The following PTPRT variants were observed in gnomAD, a reference collection of about 807,000 sequenced individuals.
PTPRT encodes receptor-type tyrosine-protein phosphatase T.
Under a neutral mutation model 176.8 loss-of-function variants are expected in PTPRT, and 56 were observed. The observed-to-expected ratio is 0.32, with a 90% CI of 0.26 to 0.40. The LOEUF (loss-of-function observed/expected upper bound fraction) is 0.40, where lower values mean the gene tolerates loss of function less well. PTPRT is among the 10% of genes least tolerant of loss of function. PTPRT has a pLI of 1.00. For missense variants in PTPRT, 1,540 were observed against 1,908.2 expected, an observed-to-expected ratio of 0.81 and a Z score of 3.60; for synonymous variants, 783 against 739.0, an observed-to-expected ratio of 1.06 and a Z score of -0.96.
chr20:42,041,492 TG>T, the PTPRT span, among the ~76,000 whole-genome samples: 1 of 152,178 alleles, frequency 6.6e-6, no homozygotes, highest in African/African-American at 2.4e-5. Context: ...TAATATCTCT[TG>T]TCTAGACATC....
chr20:42,629,138 C>T (rs1395885652), intron 7 of PTPRT, among the ~76,000 whole-genome samples: 1 of 151,352 alleles, frequency 6.6e-6, no homozygotes, highest in South Asian at 2.1e-4. Context: ...TAGTAAGTAG[C>T]CAATTACTGT....
At chr20:42,471,150 C>T (rs2071189078) in intron 8 of PTPRT, among the ~76,000 whole-genome samples, 1 of 152,140 alleles carries the variant, frequency 6.6e-6, no homozygotes, top group African/African-American at 2.4e-5. Context: ...CTTTTTATAT[C>T]TATTTTCTGT....
chr20:43,131,592 T>C (rs554743274), intron 1 of PTPRT, among the ~76,000 whole-genome samples: 7 of 152,234 alleles, frequency 4.6e-5, no homozygotes, highest in Non-Finnish European at 8.8e-5. Flanking sequence ...TGTCAAAGAA[T>C]TATTCCTCAA....
intron 1 of PTPRT, among the ~76,000 whole-genome samples, chr20:43,083,351 T>TATATATATATATACATATATAC (rs2011511280): frequency 8.7e-6 from 1 of 114,318 alleles, no homozygotes; most frequent in African/African-American, 3.4e-5. Flanking sequence ...TATATATATA[T>TATATATATATATACATATATAC]ATATATATAT....
chr20:42,990,085 A>G (rs1458556187), intron 1 of PTPRT, among the ~76,000 whole-genome samples: 2 of 152,242 alleles, frequency 1.3e-5, no homozygotes, highest in Non-Finnish European at 2.9e-5. Flanking sequence ...CAAAACATCT[A>G]TCATCTTACG....
intron 7 of PTPRT, among the ~76,000 whole-genome samples, chr20:42,615,548 C>T (rs1426205443): frequency 7.2e-6 from 1 of 138,244 alleles, no homozygotes; most frequent in East Asian, 2.0e-4. Flanking sequence ...ATTACAGTCC[C>T]ACCAACAGTG....
chr20:42,177,742 G>A (rs548502954), intron 16 of PTPRT, among the ~76,000 whole-genome samples: 1 of 152,046 alleles, frequency 6.6e-6, no homozygotes, highest in African/African-American at 2.4e-5. Flanking sequence ...CATTTTATGG[G>A]GGGGCAGGAT....
In PTPRT at chr20:42,638,833, G is replaced by C. The variant is rs550855576; in HGVS notation, c.1153+39033C>G. Among the ~76,000 whole-genome samples the C allele has an allele frequency of 1.2e-4, 19 of 152,068 alleles. No individual in the cohort carries two copies. In the South Asian group the frequency reaches 3.9e-3, roughly 32 times the overall value. ...AGGTTGAATTTCAATTTTCTTCTCT[G>C]TTTATAAACTGTTTTCCCACACATT... On this transcript the variant is annotated intron_variant, in intron 7 of 30. Coordinates refer to ENST00000373187, the MANE Select transcript of PTPRT (RefSeq NM_007050.6).
At chr20:43,058,380 A>G (rs1023312170) in intron 1 of PTPRT, among the ~76,000 whole-genome samples, 2 of 151,796 alleles carry the variant, frequency 1.3e-5, no homozygotes, top group Admixed American at 6.6e-5. Flanking sequence ...GGAAGGAGAG[A>G]AGAGAGAAAG....
At chr20:43,008,528 T>A (rs1033005624) in intron 1 of PTPRT, among the ~76,000 whole-genome samples, 3 of 151,862 alleles carry the variant, frequency 2.0e-5, no homozygotes, top group African/African-American at 7.3e-5. Flanking sequence ...CCATCTCTAC[T>A]AAAAATACAA....
At position 42,073,104 on chromosome 20, in the gene PTPRT, G is replaced by A. The variant is rs181861586; in HGVS notation, c.*7775C>T. 9.5e-6 allele frequency: 2 copies of A among 210,798 alleles called. No homozygotes were observed. Among genetic ancestry groups the A allele is most frequent in the African/African-American group, 2.3e-5 (1 of 44,184 alleles). The allele number at this position is 210,798 out of a possible 1,614,324, so 13.1% of individuals were successfully genotyped here. ...AGTGCAGGCCATTGGGATTCATGGA[G>A]GAGGCTGCAAAGAGTGTGGAGACTT... On this transcript the variant is annotated 3_prime_UTR_variant, in exon 31 of 31. Transcript: ENST00000373187.
chr20:42,392,547 A>C (rs578000736), intron 9 of PTPRT, among the ~76,000 whole-genome samples: 50 of 152,192 alleles, frequency 3.3e-4, no homozygotes, highest in Non-Finnish European at 5.0e-4. Flanking sequence ...TGGCATAGGA[A>C]GAAGTGAGGA....
chr20:42,645,762 TTATGTGTGTGTGTG>T (rs914597484), intron 7 of PTPRT, among the ~76,000 whole-genome samples: 2 of 127,930 alleles, frequency 1.6e-5, no homozygotes, highest in African/African-American at 6.3e-5. Context: ...GGATGTGTAT[TTATGTGTGTGTGTG>T]TGTGTGTGTG....
At chr20:42,547,718 C>T (rs1005493629) in intron 7 of PTPRT, among the ~76,000 whole-genome samples, 1 of 151,800 alleles carries the variant, frequency 6.6e-6, no homozygotes, top group Non-Finnish European at 1.5e-5. Context: ...TCCCTATATC[C>T]CAGGTTCTGC....
intron 5 of PTPRT, among the ~76,000 whole-genome samples, chr20:42,765,405 T>C (rs2076969345): frequency 6.6e-6 from 1 of 152,148 alleles, no homozygotes; most frequent in African/African-American, 2.4e-5. Context: ...GATGGGGGTG[T>C]GGGAAAAACC....
intron 6 of PTPRT, among the ~76,000 whole-genome samples, chr20:42,684,052 A>G (rs2075649931): frequency 6.6e-6 from 1 of 152,172 alleles, no homozygotes; most frequent in Admixed American, 6.5e-5. Flanking sequence ...GTAGGTGCCA[A>G]TCAGAATTAG....
intron 4 of PTPRT, among the ~76,000 whole-genome samples, chr20:42,778,827 G>A (rs1442677025): frequency 6.6e-6 from 1 of 152,152 alleles, no homozygotes; most frequent in African/African-American, 2.4e-5. Context: ...CTCTTCACAT[G>A]AAGTCTGGGT....
At chr20:42,966,341 A>G (rs1982291456) in intron 1 of PTPRT, 1 of 152,192 alleles carries the variant, frequency 6.6e-6, no homozygotes, top group African/African-American at 2.4e-5. Flanking sequence ...GGCTGGTAAT[A>G]TTTCATAAAC....
rs971849793 is a variant in PTPRT, at chr20:42,106,941, T to C, written c.3255-20A>G. ...CCAGCACTGGAAGAGAGGTATGGTC[T>C]GTGTTAAGGATCTTCATGGGGGGAA... On this transcript the variant is annotated intron_variant, in intron 23 of 30. Transcript: ENST00000373187. 5.6e-6 allele frequency: 9 copies of C among 1,612,352 alleles called. No homozygotes were observed. The highest frequency in any genetic ancestry group is 5.3e-5 in the African/African-American group (4 of 74,938).
Sources: allele counts gnomAD v4.1 joint callset (sites outside exome capture counted in the v4.1 genomes callset), GRCh38; gene constraint gnomAD v4.1.1; transcripts MANE v1.5; gene names NCBI Gene and HGNC (gene_info 2026-07-23, HGNC 2026-07-21).